GOLGA8B: variants seen among roughly 807,000 people sequenced by gnomAD.
GOLGA8B encodes the protein golgin A8 family member B.
Under a neutral mutation model 15.6 loss-of-function variants are expected in GOLGA8B, and 1 was observed. The ratio of observed to expected loss-of-function variants is 0.06; its 90% confidence interval spans 0.02 to 0.30. GOLGA8B has a LOEUF of 0.30. GOLGA8B is among the 10% of genes least tolerant of loss of function. GOLGA8B has a pLI of 1.00. For missense variants in GOLGA8B, 17 were observed against 201.3 expected, an observed-to-expected ratio of 0.08 and a Z score of 5.54; for synonymous variants, 9 against 80.3, an observed-to-expected ratio of 0.11 and a Z score of 4.75.
At chr15:34,566,490 A>G (rs1161300823) in intron 1 of GOLGA8B, 1 of 141,462 alleles carries the variant, frequency 7.1e-6, no homozygotes, top group African/African-American at 2.5e-5. Context: ...TATCACAAAG[A>G]GAAGCCTCAG....
intron 1 of GOLGA8B, among the ~76,000 whole-genome samples, chr15:34,582,084 G>A (rs1889251795): frequency 6.6e-6 from 1 of 152,184 alleles, no homozygotes; most frequent in Non-Finnish European, 1.5e-5. Flanking sequence ...CTCCAGCCCA[G>A]GCTGAAGGGG....
intron 1 of GOLGA8B, among the ~76,000 whole-genome samples, chr15:34,575,637 G>A (rs3893823): frequency 1.0e-3 from 150 of 150,294 alleles, no homozygotes; most frequent in African/African-American, 3.5e-3. Flanking sequence ...ACTCCAGGCT[G>A]GCCCTTCTGC....
intron 1 of GOLGA8B, among the ~76,000 whole-genome samples, chr15:34,581,983 G>A (rs1331456211): frequency 2.6e-5 from 4 of 152,202 alleles, no homozygotes; most frequent in Non-Finnish European, 4.4e-5. Flanking sequence ...ATCTGCTCAC[G>A]CCCTGGACAC....
chr15:34,567,797 G>A (rs1277398272), intron 1 of GOLGA8B, among the ~76,000 whole-genome samples: 4 of 151,860 alleles, frequency 2.6e-5, no homozygotes, highest in African/African-American at 9.7e-5. Context: ...AATGATACAA[G>A]TAAGTCCTCA....
chr15:34,576,291 A>G (rs558646108), intron 1 of GOLGA8B, among the ~76,000 whole-genome samples: 83 of 152,340 alleles, frequency 5.4e-4, no homozygotes, highest in African/African-American at 2.0e-3. Context: ...CTGAAGTAGC[A>G]CCAGTCCTCA....
intron 1 of GOLGA8B, among the ~76,000 whole-genome samples, chr15:34,572,198 G>A (rs1200968393): frequency 3.3e-5 from 5 of 152,198 alleles, no homozygotes; most frequent in Non-Finnish European, 5.9e-5. Flanking sequence ...GGACACCGCT[G>A]CCCCACACAC....
At chr15:34,567,410 C>T (rs1888794230) in intron 1 of GOLGA8B, among the ~76,000 whole-genome samples, 1 of 151,780 alleles carries the variant, frequency 6.6e-6, no homozygotes, top group African/African-American at 2.4e-5. Context: ...GACATTTGCC[C>T]TGGGAGATGA....
intron 1 of GOLGA8B, among the ~76,000 whole-genome samples, chr15:34,579,864 G>A (rs992235511): frequency 2.6e-5 from 4 of 152,220 alleles, no homozygotes; most frequent in African/African-American, 4.8e-5. Flanking sequence ...ATCCAGAGGT[G>A]AACAAAGTCT....
At chr15:34,545,276 A>AC (rs1888282101) in intron 6 of GOLGA8B, 102 bp downstream of exon 6, 1 of 102,950 alleles carries the variant, frequency 9.7e-6, no homozygotes, top group Non-Finnish European at 1.9e-5. Context: ...TGAAAAAAAA[A>AC]CACTAAAATT....
chr15:34,525,903 C>G lies in GOLGA8B; in HGVS notation c.*1729G>C, dbSNP rs1276096213. 1 of 148,966 alleles carries G rather than the reference C, an allele frequency of 6.7e-6. No individual in the cohort carries two copies. The highest frequency in any genetic ancestry group is 1.5e-5 in the Non-Finnish European group (1 of 67,028). The allele number at this position is 148,966 out of a possible 1,614,324, so 9.2% of individuals were successfully genotyped here. A position where few individuals can be genotyped will look rare whatever the true frequency, so the allele number is the denominator to read the frequency against. On this transcript the variant is annotated 3_prime_UTR_variant, in exon 24 of 24. Transcript: ENST00000683415. ...GAGATGGTCTAGTAACTAGAAAACTCCCCACCCCAGGGAGCACACATACAT... is the reference window on the plus strand; with the variant it reads ...GAGATGGTCTAGTAACTAGAAAACTGCCCACCCCAGGGAGCACACATACAT...
chr15:34,557,034 G>A (rs1227894624), intron 1 of GOLGA8B, among the ~76,000 whole-genome samples: 3 of 140,854 alleles, frequency 2.1e-5, no homozygotes, highest in East Asian at 4.0e-4. Flanking sequence ...GACTAAAGCC[G>A]GTTGAGGGCT....
In GOLGA8B at chr15:34,575,101, C is replaced by T. The variant is rs1313790373; in HGVS notation, c.-1123+8415G>A. Among the ~76,000 whole-genome samples, 4 of 100,066 alleles carry T rather than the reference C, an allele frequency of 4.0e-5. No individual in the cohort carries two copies. The East Asian group carries it at 1.3e-3, about 32-fold the overall frequency. 65.6% of individuals were successfully genotyped at this position (100,066 alleles called of 152,430 possible). On this transcript the variant is annotated intron_variant, in intron 1 of 23. Transcript: ENST00000683415. The stretch of plus-strand genomic sequence containing the variant: ...AATTTAATCTAGAAATCCTATAAAT[C>T]CTTGTAAAAAAAAAAAAAAGAAGGG...
chr15:34,567,969 C>T (rs542689619), intron 1 of GOLGA8B, among the ~76,000 whole-genome samples: 330 of 151,466 alleles, frequency 2.2e-3, no homozygotes, highest in African/African-American at 6.1e-3. Flanking sequence ...AGGAAGGATA[C>T]GACTGAAACT....
chr15:34,545,585 CTT>C (rs1888288680), intron 5 of GOLGA8B, among the ~76,000 whole-genome samples, 159 bp from the exon 6 acceptor site: 2 of 87,498 alleles, frequency 2.3e-5, no homozygotes, highest in Admixed American at 2.9e-4. Flanking sequence ...CTATGGGTAA[CTT>C]AAAAACTCTG....
In GOLGA8B at chr15:34,571,208, G is replaced by C. The variant is rs534196742; in HGVS notation, c.-1123+12308C>G. Among the ~76,000 whole-genome samples the C allele has an allele frequency of 2.0e-5, 3 of 152,278 alleles. No individual in the cohort carries two copies. In the South Asian group the frequency reaches 6.2e-4, roughly 32 times the overall value. On this transcript the variant is annotated intron_variant, in intron 1 of 23. Transcript: ENST00000683415. Reference sequence around the variant, plus strand: ...AGGCGTGGTGGACCCTACTACTTGGGAGGCTGAGGTGGGAGGATCACTTGA... The same window carrying C: ...AGGCGTGGTGGACCCTACTACTTGGCAGGCTGAGGTGGGAGGATCACTTGA...
intron 1 of GOLGA8B, among the ~76,000 whole-genome samples, chr15:34,579,342 G>T (rs1042346011): frequency 6.6e-6 from 1 of 152,098 alleles, no homozygotes; most frequent in African/African-American, 2.4e-5. Context: ...CTGGAACAGA[G>T]TCTGACATTA....
intron 1 of GOLGA8B, among the ~76,000 whole-genome samples, chr15:34,572,830 T>C (rs866574971): frequency 1.3e-5 from 2 of 152,240 alleles, no homozygotes; most frequent in African/African-American, 2.4e-5. Context: ...AGATCTATCA[T>C]ATGTTAGGCG....
Position 34,582,095 on chromosome 15 carries a change from G to A in GOLGA8B, c.-1123+1421C>T, listed in dbSNP as rs576836348. On this transcript the variant is annotated intron_variant, in intron 1 of 23. Coordinates refer to ENST00000683415, the MANE Select transcript of GOLGA8B (RefSeq NM_001023567.5). ...CCCTCTCCAGCCCAGGCTGAAGGGG[G>A]AGGCAGCCCCCACGGTCACCCAGGA... Among the ~76,000 whole-genome samples the A allele has an allele frequency of 5.3e-5, 8 of 152,302 alleles. No homozygotes were observed. The South Asian group carries it at 1.7e-3, about 32-fold the overall frequency.
chr15:34,582,737 C>A (rs533490495), intron 1 of GOLGA8B: 1 of 152,352 alleles, frequency 6.6e-6, no homozygotes, highest in Non-Finnish European at 1.5e-5. Flanking sequence ...GTTCACCCCT[C>A]GCCTGGGCTT....
Sources: allele counts gnomAD v4.1 joint callset (sites outside exome capture counted in the v4.1 genomes callset), GRCh38; gene constraint gnomAD v4.1.1; transcripts MANE v1.5; gene names NCBI Gene and HGNC (gene_info 2026-07-23, HGNC 2026-07-21).